GFRA1: variants seen among roughly 807,000 people sequenced by gnomAD.
GFRA1 encodes GDNF family receptor alpha-1.
Under a neutral mutation model 51.6 loss-of-function variants are expected in GFRA1, and 16 were observed. The ratio of observed to expected loss-of-function variants is 0.31; its 90% CI spans 0.21 to 0.47. GFRA1 has a LOEUF of 0.47. GFRA1 is among the 20% of genes least tolerant of loss of function. The probability of loss-of-function intolerance (pLI) is 1.00; values close to 1 mark genes in which losing one functional copy is unlikely to be tolerated. For synonymous variants in GFRA1, 270 were observed against 241.3 expected (o/e 1.12, Z -1.10); for missense variants, 530 against 594.3 (o/e 0.89, Z 1.13).
chr10:116,097,833 T>C (rs1047866257), intron 6 of GFRA1, among the ~76,000 whole-genome samples: 6 of 152,208 alleles, frequency 3.9e-5, no homozygotes, highest in African/African-American at 1.4e-4. Context: ...CCTAAGAGAC[T>C]GTATTTTCTT....
intron 3 of GFRA1, 32 bp downstream of exon 3, chr10:116,270,790 C>T (rs1332262658): frequency 6.3e-7 from 1 of 1,586,908 alleles, no homozygotes. Context: ...CGGGGAGGGA[C>T]ACGGGGTGGG....
intron 4 of GFRA1, among the ~76,000 whole-genome samples, chr10:116,262,775 T>G (rs1969387721): frequency 6.6e-6 from 1 of 152,160 alleles, no homozygotes; most frequent in Non-Finnish European, 1.5e-5. Context: ...TAGCAAAGCC[T>G]TTGCAGACGG....
chr10:116,125,549 TG>T lies in GFRA1; in HGVS notation c.441del (p.His147GlnfsTer98). On this transcript the variant is annotated frameshift_variant, in exon 6 of 11. Coordinates refer to ENST00000355422, the MANE Select transcript of GFRA1 (RefSeq NM_005264.8). LOFTEE classifies it high-confidence loss of function. Reference sequence around the variant, plus strand: ...TCCAGGCAGTTGTTCCCTTTGGGAATGTGCTCCACTGCAAATGCAGAGAAAG... The same window carrying T: ...TCCAGGCAGTTGTTCCCTTTGGGAATTGCTCCACTGCAAATGCAGAGAAAG... ...FISDVFQQVE[H>X]IPKGNNCLDA... 1.2e-6 allele frequency: 2 copies of T among 1,612,570 alleles called. No homozygotes were observed. The highest frequency in any genetic ancestry group is 1.7e-6 in the Non-Finnish European group (2 of 1,179,236).
chr10:116,223,809 ACT>A (rs1294982452), intron 4 of GFRA1, among the ~76,000 whole-genome samples: 1 of 152,146 alleles, frequency 6.6e-6, no homozygotes, highest in Non-Finnish European at 1.5e-5. Context: ...TCATTCACTG[ACT>A]CAACACAATC....
intron 6 of GFRA1, among the ~76,000 whole-genome samples, chr10:116,121,337 C>T (rs968832118): frequency 2.0e-5 from 3 of 152,280 alleles, no homozygotes; most frequent in African/African-American, 2.4e-5. Context: ...TCACACCCTT[C>T]TAATAATACC....
At position 116,058,017 on chromosome 10, in the gene GFRA1, T is replaced by TGTGTG. The variant is rs1212222032; in HGVS notation, c.*6376_*6380dup. The TGTGTG allele has an allele frequency of 1.4e-5, 2 of 144,554 alleles. No individual in the cohort carries two copies. The highest frequency in any genetic ancestry group is 1.5e-5 in the Non-Finnish European group (1 of 67,624). The allele number at this position is 144,554 out of a possible 1,614,324, so 9.0% of individuals were successfully genotyped here. On this transcript the variant is annotated 3_prime_UTR_variant, in exon 11 of 11. Transcript: ENST00000355422. ...GTGTGTGTGTGTGTGTGTGTGTGTG[T>TGTGTG]GTGTGTGTGTGTGTGTGTGTGTGTG...
intron 4 of GFRA1, among the ~76,000 whole-genome samples, chr10:116,263,286 C>T (rs541649733): frequency 2.9e-4 from 44 of 152,300 alleles, no homozygotes; most frequent in African/African-American, 1.0e-3. Context: ...AAGCCAACAT[C>T]GCCTTAGTGT....
chr10:116,160,752 C>G (rs945691981), intron 5 of GFRA1, among the ~76,000 whole-genome samples: 1 of 152,168 alleles, frequency 6.6e-6, no homozygotes, highest in African/African-American at 2.4e-5. Context: ...TTTAGACAAC[C>G]CCCAAGTGGC....
intron 5 of GFRA1, among the ~76,000 whole-genome samples, chr10:116,190,623 T>A (rs1201018872): frequency 6.6e-6 from 1 of 152,140 alleles, no homozygotes; most frequent in African/African-American, 2.4e-5. Context: ...CCCAGAAGCC[T>A]CAACAAATCC....
chr10:116,107,080 T>C (rs935733541), intron 6 of GFRA1, among the ~76,000 whole-genome samples: 9 of 152,172 alleles, frequency 5.9e-5, no homozygotes, highest in African/African-American at 2.2e-4. Flanking sequence ...AAACCCCTTT[T>C]CTTTATAAAT....
Position 116,272,430 on chromosome 10 carries a change from C to T in GFRA1, c.-246-155G>A, listed in dbSNP as rs1844030903. On this transcript the variant is annotated intron_variant, in intron 1 of 10. Coordinates refer to ENST00000355422, the MANE Select transcript of GFRA1 (RefSeq NM_005264.8). The surrounding 1 kb of genome is among the most constrained non-coding windows in gnomAD (Gnocchi z 4.4). ...AGGTCGGGGTGCATGTGCGTGTTTT[C>T]CAGGGGCCGCTGACACGGGGATGGA... is the stretch of plus-strand genomic sequence containing the variant. 1 of 317,250 alleles carries T rather than the reference C, an allele frequency of 3.2e-6. No individual in the cohort carries two copies. The highest frequency in any genetic ancestry group is 2.1e-5 in the African/African-American group (1 of 47,300). 19.7% of individuals were successfully genotyped at this position (317,250 alleles called of 1,614,324 possible). A position where few individuals can be genotyped will look rare whatever the true frequency, so the allele number is the denominator to read the frequency against.
At chr10:116,081,236 C>T (rs1447988804) in intron 9 of GFRA1, among the ~76,000 whole-genome samples, 2 of 152,168 alleles carry the variant, frequency 1.3e-5, no homozygotes, top group Non-Finnish European at 2.9e-5. Context: ...CAAGGGCCGT[C>T]TTGTTGGGGA....
chr10:116,086,685 G>A (rs75792431), intron 9 of GFRA1, among the ~76,000 whole-genome samples: 2,665 of 152,320 alleles, frequency 0.017, 74 homozygotes, highest in African/African-American at 0.059. Flanking sequence ...GATATGTGGA[G>A]ACTGTGCATA....
chr10:116,250,825 C>A (rs1968281206), intron 4 of GFRA1, among the ~76,000 whole-genome samples: 1 of 152,190 alleles, frequency 6.6e-6, no homozygotes, highest in South Asian at 2.1e-4. Context: ...CATTGCTAGC[C>A]CCCTGCACAG....
chr10:116,172,860 A>G (rs1317578486), intron 5 of GFRA1, among the ~76,000 whole-genome samples: 1 of 152,212 alleles, frequency 6.6e-6, no homozygotes, highest in African/African-American at 2.4e-5. Context: ...ACTTTGGAAC[A>G]TCTCTGGCAG....
rs1954705075 is a variant in GFRA1 at position 116,059,620 on chromosome 10, C to T, written c.*4778G>A. 6.6e-6 allele frequency: 1 copy of T among 152,234 alleles called. No individual in the cohort carries two copies. Among genetic ancestry groups the T allele is most frequent in the South Asian group, 2.1e-4 (1 of 4,834 alleles). 9.4% of individuals were successfully genotyped at this position (152,234 alleles called of 1,614,324 possible). On this transcript the variant is annotated 3_prime_UTR_variant, in exon 11 of 11. Transcript: ENST00000355422. Reference sequence around the variant, plus strand: ...GTTTATTGGAATAGGGTTTGTGCGCCTTCTCCACCCCTCTGGGCTGGGTCT... The same window carrying T: ...GTTTATTGGAATAGGGTTTGTGCGCTTTCTCCACCCCTCTGGGCTGGGTCT...
In GFRA1 at chr10:116,064,409, C is replaced by CTGT; in HGVS notation, c.1384_1386dup (p.Thr462dup). ...TTTTTTTAATGCAGCTATGATGTTTCTGTTAAAGATAATAGGGTGGACAGA... is the reference window on the plus strand; with the variant it reads ...TTTTTTTAATGCAGCTATGATGTTTCTGTTGTTAAAGATAATAGGGTGGACAGA... On this transcript the variant is annotated inframe_insertion, in exon 11 of 11. Transcript: ENST00000355422. 1 of 1,612,288 alleles carries CTGT rather than the reference C, an allele frequency of 6.2e-7. No individual in the cohort carries two copies. The highest frequency in any genetic ancestry group is 8.5e-7 in the Non-Finnish European group (1 of 1,179,660).
At chr10:116,237,398 T>C (rs1256471898) in intron 4 of GFRA1, among the ~76,000 whole-genome samples, 4 of 152,134 alleles carry the variant, frequency 2.6e-5, no homozygotes, top group Non-Finnish European at 5.9e-5. Flanking sequence ...AGGTTAAGTG[T>C]CTTGTGCAAA....
At chr10:116,134,978 A>G (rs1958262137) in intron 5 of GFRA1, among the ~76,000 whole-genome samples, 1 of 152,220 alleles carries the variant, frequency 6.6e-6, no homozygotes, top group South Asian at 2.1e-4. Context: ...ATTTTTAATT[A>G]ACCTTTCCAA....
Sources: allele counts gnomAD v4.1 joint callset (sites outside exome capture counted in the v4.1 genomes callset), GRCh38; gene constraint gnomAD v4.1.1; non-coding constraint Gnocchi (gnomAD v3.1); transcripts MANE v1.5; gene names NCBI Gene and HGNC (gene_info 2026-07-23, HGNC 2026-07-21).